Variants in DHRSX observed in about 807,000 individuals in gnomAD.
DHRSX encodes dehydrogenase/reductase X-linked, also known as polyprenol dehydrogenase.
Under a neutral mutation model 34.0 loss-of-function variants are expected in DHRSX, and 31 were observed. That is an observed-to-expected ratio of 0.91 (90% CI 0.69 to 1.23). The LOEUF is 1.23. Among genes scored for constraint, DHRSX ranks in the 50% most tolerant of loss-of-function variants. The pLI is 0.00. For missense variants in DHRSX, 414 were observed against 428.1 expected (o/e 0.97, Z 0.29); for synonymous variants, 201 against 183.8 (o/e 1.09, Z -0.76).
chrX:2,431,949 T>C (rs375981065), intron 1 of DHRSX, among the ~76,000 whole-genome samples: 1 of 152,166 alleles, frequency 6.6e-6, no homozygotes, highest in South Asian at 2.1e-4. Flanking sequence ...TCCCAGCACT[T>C]TGGGAGGCCG....
chrX:2,465,620 G>A (rs905768854), intron 1 of DHRSX, among the ~76,000 whole-genome samples: 4 of 150,780 alleles, frequency 2.7e-5, no homozygotes, highest in Non-Finnish European at 4.4e-5. Flanking sequence ...CTGCCCAACA[G>A]GTGAAACCCC....
intron 6 of DHRSX, among the ~76,000 whole-genome samples, chrX:2,228,781 G>T (rs1403967061): frequency 1.3e-5 from 2 of 152,118 alleles, no homozygotes; most frequent in Non-Finnish European, 2.9e-5. Context: ...GGCACACAGA[G>T]ATATTTGCCT....
chrX:2,288,078 A>G (rs1178637345), intron 4 of DHRSX, among the ~76,000 whole-genome samples: 1 of 152,044 alleles, frequency 6.6e-6, no homozygotes, highest in Non-Finnish European at 1.5e-5. Flanking sequence ...AATAATCACA[A>G]TGGTTCTTCT....
At chrX:2,380,928 G>A (rs112446066) in intron 3 of DHRSX, among the ~76,000 whole-genome samples, 35,759 of 151,480 alleles carry the variant, frequency 0.24, 5,458 homozygotes, top group Non-Finnish European at 0.35. Context: ...GCAGTGGTGT[G>A]ATCTCGGCTC....
At chrX:2,469,018 A>T (rs1435484195) in intron 1 of DHRSX, among the ~76,000 whole-genome samples, 1 of 151,372 alleles carries the variant, frequency 6.6e-6, no homozygotes, top group Non-Finnish European at 1.5e-5. Context: ...AGCACTGAAG[A>T]CATTCCCTAG....
chrX:2,233,125 A>C (rs2015935530), intron 6 of DHRSX, among the ~76,000 whole-genome samples: 1 of 152,110 alleles, frequency 6.6e-6, no homozygotes, highest in South Asian at 2.1e-4. Flanking sequence ...GAAGACTAAG[A>C]CACTTCCTAT....
chrX:2,295,339 A>G, intron 3 of DHRSX, among the ~76,000 whole-genome samples: 1 of 152,258 alleles, frequency 6.6e-6, no homozygotes, highest in South Asian at 2.1e-4. Context: ...AAAACCAAAC[A>G]CTGCATGTTC....
chrX:2,361,783 T>C (rs1405782827), intron 3 of DHRSX, among the ~76,000 whole-genome samples: 1 of 152,228 alleles, frequency 6.6e-6, no homozygotes. Flanking sequence ...TAAGCACTTT[T>C]GATTGACTGT....
chrX:2,396,463 A>G (rs1204626504), intron 3 of DHRSX, among the ~76,000 whole-genome samples: 1 of 137,020 alleles, frequency 7.3e-6, no homozygotes, highest in East Asian at 2.2e-4. Context: ...CTGCAACCTC[A>G]GCCTCCCGGG....
intron 1 of DHRSX, among the ~76,000 whole-genome samples, chrX:2,491,213 G>A (rs1324362212): frequency 1.3e-5 from 2 of 152,022 alleles, no homozygotes; most frequent in Non-Finnish European, 2.9e-5. Flanking sequence ...GGGATCACAG[G>A]CACCTGCCAT....
chrX:2,427,715 G>A lies in DHRSX; in HGVS notation c.110-2411C>T, dbSNP rs1387017750. Among the ~76,000 whole-genome samples the A allele has an allele frequency of 3.3e-5, 5 of 152,194 alleles. No homozygotes were observed. The East Asian group carries it at 7.7e-4, about 23-fold the overall frequency. On this transcript the variant is annotated intron_variant, in intron 1 of 6. Transcript: ENST00000334651. ...TGAATTCCCTTGAGAAAGAAAGACT[G>A]AGGGAAAAGTGGATTTTGCAGGCAG...
chrX:2,484,888 C>G (rs1428668058), intron 1 of DHRSX, among the ~76,000 whole-genome samples: 7 of 152,142 alleles, frequency 4.6e-5, no homozygotes, highest in Non-Finnish European at 1.0e-4. Context: ...ATGAACGTCA[C>G]CACCGAGATT....
At chrX:2,472,188 A>G (rs2044603464) in intron 1 of DHRSX, among the ~76,000 whole-genome samples, 2 of 151,750 alleles carry the variant, frequency 1.3e-5, no homozygotes, top group Non-Finnish European at 2.9e-5. Context: ...AGGAACATGC[A>G]CGGAGGTGGA....
At chrX:2,264,519 G>A (rs1196245812) in intron 5 of DHRSX, among the ~76,000 whole-genome samples, 4 of 150,306 alleles carry the variant, frequency 2.7e-5, no homozygotes, top group South Asian at 2.1e-4. Flanking sequence ...AGGGAGCACT[G>A]TGCCCAGAGC....
chrX:2,337,315 G>A (rs2086881564), intron 3 of DHRSX, among the ~76,000 whole-genome samples: 1 of 152,060 alleles, frequency 6.6e-6, no homozygotes. Context: ...TCTTTCACAC[G>A]AGTAGTGTTG....
At chrX:2,478,435 G>GTT (rs1202555309) in intron 1 of DHRSX, among the ~76,000 whole-genome samples, 2 of 152,168 alleles carry the variant, frequency 1.3e-5, no homozygotes, top group Non-Finnish European at 2.9e-5. Context: ...AACTGAAGAC[G>GTT]TTTTCTAAGA....
chrX:2,440,321 C>T (rs1184838976), intron 1 of DHRSX, among the ~76,000 whole-genome samples: 10 of 151,360 alleles, frequency 6.6e-5, no homozygotes, highest in South Asian at 2.1e-4. Context: ...CCATCTCAGC[C>T]TCCTGAGTAG....
intron 3 of DHRSX, among the ~76,000 whole-genome samples, chrX:2,402,243 G>C (rs1284362959): frequency 2.0e-5 from 3 of 152,264 alleles, no homozygotes; most frequent in African/African-American, 7.2e-5. Context: ...GATCCCAGCA[G>C]AGCAAGAACG....
Position 2,425,268 on chromosome X carries a change from G to A in DHRSX, c.146C>T (p.Thr49Met), listed in dbSNP as rs750064106. The A allele has an allele frequency of 4.6e-5, 74 of 1,613,672 alleles. 1 individual carries two copies. Among genetic ancestry groups the A allele is most frequent in the South Asian group, 3.1e-4 (28 of 91,068 alleles). Reference sequence around the variant, plus strand: ...ATAGCCAATGCCATCTGTCCCTCCCGTCACTATAGCGACACGGTCAGGTCG... The same window carrying A: ...ATAGCCAATGCCATCTGTCCCTCCCATCACTATAGCGACACGGTCAGGTCG... Reference protein sequence around the residue: ...PPRPDRVAIVTGGTDGIGYST... With the variant: ...PPRPDRVAIVMGGTDGIGYST... Residue 49 changes from threonine (T) to methionine (M), a missense_variant, in exon 2 of 7, where the codon ACG becomes ATG. Transcript: ENST00000334651.
Sources: gnomAD v4.1 joint callset for allele counts (sites outside exome capture counted in the v4.1 genomes callset) on GRCh38, gnomAD v4.1.1 for gene constraint, MANE v1.5 for transcripts, NCBI Gene and HGNC (gene_info 2026-07-23, HGNC 2026-07-21) for gene names.